Variants in EEFSEC observed in about 807,000 individuals in gnomAD.
The protein encoded by EEFSEC is selenocysteine-specific elongation factor.
EEFSEC carries 43 observed loss-of-function variants against 42.1 expected under a neutral mutation model. The ratio of observed to expected loss-of-function variants is 1.02; its 90% confidence interval spans 0.80 to 1.32. The LOEUF is 1.32. Ranked by LOEUF, EEFSEC falls within the 40% of genes most tolerant of loss-of-function variation. The pLI is 0.00. For missense variants in EEFSEC, 745 were observed against 803.6 expected, an observed-to-expected ratio of 0.93 and a Z score of 0.88; for synonymous variants, 354 against 339.1, an observed-to-expected ratio of 1.04 and a Z score of -0.48.
rs1163783190 is a variant in EEFSEC, at chr3:128,317,326, T to G, written c.787-23907T>G. On this transcript the variant is annotated intron_variant, in intron 4 of 6. Transcript: ENST00000254730. This position sits in a 1 kb window ranked among gnomAD's most constrained non-coding sequence, Gnocchi z 4.1. ...GCTCACATGCAGTGCGTCCCCAGACTTGTAAGCCTGGCCTGTTCTCCGCCC... is the reference window on the plus strand; with the variant it reads ...GCTCACATGCAGTGCGTCCCCAGACGTGTAAGCCTGGCCTGTTCTCCGCCC... Among the ~76,000 whole-genome samples the G allele has an allele frequency of 6.6e-6, 1 of 152,200 alleles. No individual in the cohort carries two copies. Among genetic ancestry groups the G allele is most frequent in the African/African-American group, 2.4e-5 (1 of 41,460 alleles).
At chr3:128,320,190 C>T (rs965986143) in intron 4 of EEFSEC, among the ~76,000 whole-genome samples, 2 of 152,236 alleles carry the variant, frequency 1.3e-5, no homozygotes, top group Non-Finnish European at 2.9e-5. Context: ...TCCAGGAGAG[C>T]TTGTTGCCCC....
chr3:128,350,728 T>C (rs887700823), intron 5 of EEFSEC, among the ~76,000 whole-genome samples: 1 of 152,210 alleles, frequency 6.6e-6, no homozygotes, highest in African/African-American at 2.4e-5. Context: ...TGGAAACTGA[T>C]GGACTGAGCT....
At chr3:128,288,874 A>C (rs1330925832) in intron 4 of EEFSEC, among the ~76,000 whole-genome samples, 2 of 152,204 alleles carry the variant, frequency 1.3e-5, no homozygotes, top group African/African-American at 4.8e-5. Context: ...GGCATTTCCT[A>C]TTTGAAAACA....
chr3:128,300,837 G>T (rs1174095414), intron 4 of EEFSEC, among the ~76,000 whole-genome samples: 1 of 152,006 alleles, frequency 6.6e-6, no homozygotes, highest in Non-Finnish European at 1.5e-5. Flanking sequence ...GATAATTCCT[G>T]TGCATGTATA....
At chr3:128,189,562 T>TC (rs886895195) in intron 1 of EEFSEC, among the ~76,000 whole-genome samples, 3 of 150,270 alleles carry the variant, frequency 2.0e-5, no homozygotes, top group East Asian at 1.9e-4. Context: ...TCTTTTCTTT[T>TC]TTTTTTTTTT....
chr3:128,317,134 G>A lies in EEFSEC; in HGVS notation c.787-24099G>A, dbSNP rs188681545. On this transcript the variant is annotated intron_variant, in intron 4 of 6. Transcript: ENST00000254730. The surrounding 1 kb of genome is among the most constrained non-coding windows in gnomAD (Gnocchi z 4.1). ...GCTGGGGGTTAGAGTTTTCCAAGCA[G>A]AGCCAGTAACCCTTTGGTACCAGGC... is the stretch of plus-strand genomic sequence containing the variant. Among the ~76,000 whole-genome samples, 519 of 152,282 alleles carry A rather than the reference G, an allele frequency of 3.4e-3. 4 individuals carry two copies. Among genetic ancestry groups the A allele is most frequent in the African/African-American group, 0.012 (485 of 41,546 alleles).
chr3:128,324,737 C>T (rs990985627), intron 4 of EEFSEC, among the ~76,000 whole-genome samples: 3 of 152,162 alleles, frequency 2.0e-5, no homozygotes, highest in South Asian at 2.1e-4. Context: ...ACCAGGCCCT[C>T]AATTCTTTTT....
intron 4 of EEFSEC, among the ~76,000 whole-genome samples, chr3:128,272,026 T>G (rs893679235): frequency 5.3e-5 from 8 of 152,152 alleles, no homozygotes; most frequent in African/African-American, 1.9e-4. Flanking sequence ...CCAACTTCAA[T>G]TGCCTTAAGC....
At chr3:128,154,221 A>G (rs748090238) in intron 1 of EEFSEC, among the ~76,000 whole-genome samples, 2 of 152,132 alleles carry the variant, frequency 1.3e-5, no homozygotes, top group East Asian at 1.9e-4. Context: ...TCCCGTTCCT[A>G]GAGCCAACCG....
At chr3:128,206,029 T>C (rs770007592) in intron 1 of EEFSEC, among the ~76,000 whole-genome samples, 1 of 152,244 alleles carries the variant, frequency 6.6e-6, no homozygotes, top group Non-Finnish European at 1.5e-5. Flanking sequence ...TACAATGCAA[T>C]GTAATGTTGA....
intron 1 of EEFSEC, among the ~76,000 whole-genome samples, chr3:128,220,807 C>T (rs951140013): frequency 2.6e-5 from 4 of 152,206 alleles, no homozygotes; most frequent in East Asian, 3.8e-4. Flanking sequence ...GTTTCCTCTT[C>T]AGTGCTGTAT....
At chr3:128,197,926 G>A (rs981392035) in intron 1 of EEFSEC, among the ~76,000 whole-genome samples, 1 of 152,166 alleles carries the variant, frequency 6.6e-6, no homozygotes, top group Non-Finnish European at 1.5e-5. Context: ...GACCCGACTC[G>A]TGTTTTCAGT....
intron 1 of EEFSEC, among the ~76,000 whole-genome samples, chr3:128,170,018 TG>T (rs1406468218): frequency 1.3e-5 from 2 of 152,140 alleles, no homozygotes; most frequent in Non-Finnish European, 2.9e-5. Flanking sequence ...GCATGGGACT[TG>T]GTCAGTCTTG....
chr3:128,347,802 G>T (rs977694073), intron 5 of EEFSEC, among the ~76,000 whole-genome samples: 1 of 152,144 alleles, frequency 6.6e-6, no homozygotes, highest in Admixed American at 6.5e-5. Context: ...GAAACCTAGG[G>T]ACAGCTTGAT....
Position 128,237,944 on chromosome 3 carries a change from G to T in EEFSEC, c.317-8892G>T, listed in dbSNP as rs187095765. Reference sequence around the variant, plus strand: ...CACCTGCTCTTTGGGATGCCTTAGGGTTCCCAGAGCACTCAGGAATGCATG... The same window carrying T: ...CACCTGCTCTTTGGGATGCCTTAGGTTTCCCAGAGCACTCAGGAATGCATG... On this transcript the variant is annotated intron_variant, in intron 1 of 6. Coordinates refer to ENST00000254730, the MANE Select transcript of EEFSEC (RefSeq NM_021937.5). 5.3e-5 allele frequency among the ~76,000 whole-genome samples: 8 copies of T among 152,268 alleles called. No individual in the cohort carries two copies. The South Asian group carries it at 6.2e-4, about 12-fold the overall frequency.
chr3:128,308,072 A>G (rs935429996), intron 4 of EEFSEC, among the ~76,000 whole-genome samples: 4 of 152,240 alleles, frequency 2.6e-5, no homozygotes, highest in Non-Finnish European at 4.4e-5. Flanking sequence ...ACTCACGGCA[A>G]CTTGCACACA....
intron 1 of EEFSEC, among the ~76,000 whole-genome samples, chr3:128,184,803 A>G (rs2030767284): frequency 6.6e-6 from 1 of 152,128 alleles, no homozygotes; most frequent in African/African-American, 2.4e-5. Flanking sequence ...TTTCCAAGGG[A>G]CAGTTTAGAA....
At chr3:128,425,265 G>A in the EEFSEC span, among the ~76,000 whole-genome samples, 1 of 152,156 alleles carries the variant, frequency 6.6e-6, no homozygotes, top group Non-Finnish European at 1.5e-5. Flanking sequence ...CACATGAGTG[G>A]GATCACACTG....
chr3:128,262,928 TGGGGCTGGACTGTGGTTCA>T (rs1188262359), intron 3 of EEFSEC, among the ~76,000 whole-genome samples: 1 of 152,192 alleles, frequency 6.6e-6, no homozygotes, highest in African/African-American at 2.4e-5. Context: ...TGCATGGCTC[TGGGGCTGGACTGTGGTTCA>T]GGGGCTAGCT....
Sources: allele counts gnomAD v4.1 joint callset (sites outside exome capture counted in the v4.1 genomes callset), GRCh38; gene constraint gnomAD v4.1.1; non-coding constraint Gnocchi (gnomAD v3.1); transcripts MANE v1.5; gene names NCBI Gene and HGNC (gene_info 2026-07-23, HGNC 2026-07-21).